PTPRD: variants seen among roughly 807,000 people sequenced by gnomAD.
PTPRD encodes the protein receptor-type tyrosine-protein phosphatase delta.
In PTPRD, 34 loss-of-function variants were observed where a neutral mutation model predicts 214.5. The ratio of observed to expected loss-of-function variants is 0.16; its 90% CI spans 0.12 to 0.21. The LOEUF (loss-of-function observed/expected upper bound fraction) is 0.21. Among genes scored for constraint, PTPRD ranks in the 10% least tolerant of loss-of-function variants. The probability of loss-of-function intolerance (pLI) is 1.00; values close to 1 mark genes in which losing one functional copy is unlikely to be tolerated. For synonymous variants in PTPRD, 1,128 were observed against 845.7 expected, an observed-to-expected ratio of 1.33 and a Z score of -5.79; for missense variants, 2,545 against 2,398.7, an observed-to-expected ratio of 1.06 and a Z score of -1.27.
At chr9:10,316,480 T>A (rs188222399) in intron 3 of PTPRD, among the ~76,000 whole-genome samples, 35 of 151,854 alleles carry the variant, frequency 2.3e-4, no homozygotes, top group African/African-American at 8.0e-4. Flanking sequence ...ATAGATTAAA[T>A]AATATTGGAT....
chr9:10,042,045 T>C (rs1207645764), intron 3 of PTPRD, among the ~76,000 whole-genome samples: 1 of 152,028 alleles, frequency 6.6e-6, no homozygotes, highest in Non-Finnish European at 1.5e-5. Flanking sequence ...TGACAATGAA[T>C]AATGTTAAGA....
rs5896301 is a variant in PTPRD, at chr9:9,106,612, C to CAAAAAAAA, written c.-143+76684_-143+76691dup. 1.8e-4 allele frequency among the ~76,000 whole-genome samples: 13 copies of CAAAAAAAA among 71,624 alleles called. 2 individuals are homozygous for CAAAAAAAA. The highest frequency in any genetic ancestry group is 2.0e-4 in the Non-Finnish European group (8 of 40,160). 47.0% of individuals were successfully genotyped at this position (71,624 alleles called of 152,430 possible). ...TTGCTGTTAACCTATATTCCATAGG[C>CAAAAAAAA]AAAAAAAAAAAAAAAAAAAAAAAGG... is the stretch of plus-strand genomic sequence containing the variant. On this transcript the variant is annotated intron_variant, in intron 10 of 45. Coordinates refer to ENST00000381196, the MANE Select transcript of PTPRD (RefSeq NM_002839.4).
At chr9:10,309,608 G>A (rs1340766552) in intron 3 of PTPRD, among the ~76,000 whole-genome samples, 7 of 149,050 alleles carry the variant, frequency 4.7e-5, no homozygotes, top group African/African-American at 1.5e-4. Flanking sequence ...CAAATGATCT[G>A]CCCACCTCAG....
intron 9 of PTPRD, among the ~76,000 whole-genome samples, chr9:9,241,495 G>C (rs751367335): frequency 4.6e-5 from 7 of 152,012 alleles, no homozygotes; most frequent in Non-Finnish European, 1.0e-4. Flanking sequence ...GAGAAACTAA[G>C]GTAAACTTCA....
chr9:9,758,533 G>A (rs979276515), intron 6 of PTPRD, among the ~76,000 whole-genome samples: 1 of 152,110 alleles, frequency 6.6e-6, no homozygotes, highest in Non-Finnish European at 1.5e-5. Context: ...GTGAGTTCCA[G>A]GTTCTCAGAA....
intron 9 of PTPRD, among the ~76,000 whole-genome samples, chr9:9,361,282 A>T (rs1385618825): frequency 1.3e-5 from 2 of 151,128 alleles, no homozygotes; most frequent in Non-Finnish European, 1.5e-5. Context: ...GATCATTACC[A>T]CCGGGGATAT....
At chr9:10,552,825 G>C (rs1183251876) in intron 2 of PTPRD, among the ~76,000 whole-genome samples, 1 of 152,144 alleles carries the variant, frequency 6.6e-6, no homozygotes, top group Non-Finnish European at 1.5e-5. Context: ...AACAGCACAG[G>C]TTGAGGCATT....
chr9:9,568,276 C>T (rs1171301000), intron 8 of PTPRD, among the ~76,000 whole-genome samples: 1 of 151,804 alleles, frequency 6.6e-6, no homozygotes, highest in East Asian at 1.9e-4. Flanking sequence ...AGTGCACATC[C>T]TTCTTGTTTT....
intron 39 of PTPRD, among the ~76,000 whole-genome samples, chr9:8,350,200 A>G (rs915377837): frequency 2.0e-5 from 3 of 152,174 alleles, no homozygotes; most frequent in Non-Finnish European, 4.4e-5. Flanking sequence ...GGACTGTTTT[A>G]TGCTAAAGTC....
intron 4 of PTPRD, among the ~76,000 whole-genome samples, chr9:9,968,776 C>T (rs1257868834): frequency 6.6e-6 from 1 of 152,042 alleles, no homozygotes; most frequent in Non-Finnish European, 1.5e-5. Context: ...AGCACAACGC[C>T]GTTAATCTCA....
At chr9:8,381,918 T>A (rs2135276562) in intron 37 of PTPRD, among the ~76,000 whole-genome samples, 1 of 152,206 alleles carries the variant, frequency 6.6e-6, no homozygotes, top group East Asian at 1.9e-4. Flanking sequence ...GTGAGGTGCC[T>A]CTTTCTCGTG....
chr9:8,570,016 T>C (rs1289001540), intron 14 of PTPRD, among the ~76,000 whole-genome samples: 1 of 152,216 alleles, frequency 6.6e-6, no homozygotes, highest in East Asian at 1.9e-4. Context: ...GTAGTGGAAG[T>C]ACAATCACCA....
At chr9:10,464,969 G>A (rs1197758216) in intron 2 of PTPRD, among the ~76,000 whole-genome samples, 1 of 152,100 alleles carries the variant, frequency 6.6e-6, no homozygotes, top group Non-Finnish European at 1.5e-5. Context: ...TTCAAATTCA[G>A]TAACAAACAA....
intron 11 of PTPRD, among the ~76,000 whole-genome samples, chr9:8,899,808 G>A (rs2098651820): frequency 6.6e-6 from 1 of 152,176 alleles, no homozygotes; most frequent in Admixed American, 6.6e-5. Context: ...TTGGCAGTCG[G>A]CATGTTGCCT....
intron 2 of PTPRD, among the ~76,000 whole-genome samples, chr9:10,499,477 T>C (rs2043032812): frequency 6.6e-6 from 1 of 151,952 alleles, no homozygotes; most frequent in Admixed American, 6.6e-5. Context: ...GTTCATGTTT[T>C]CCTGAAAAAT....
At position 10,298,129 on chromosome 9, in the gene PTPRD, A is replaced by T. The variant is rs187819129; in HGVS notation, c.-545+42834T>A. On this transcript the variant is annotated intron_variant, in intron 3 of 45. Transcript: ENST00000381196. ...GAGAAAAACATAAAATAATAAAAAC[A>T]TATATCATGAATTTTCTTTTTCATC... is the stretch of plus-strand genomic sequence containing the variant. 6.6e-5 allele frequency among the ~76,000 whole-genome samples: 10 copies of T among 152,260 alleles called. No individual in the cohort carries two copies. The East Asian group carries it at 1.9e-3, about 29-fold the overall frequency.
intron 10 of PTPRD, among the ~76,000 whole-genome samples, chr9:9,154,784 G>C (rs2099879808): frequency 6.6e-6 from 1 of 152,048 alleles, no homozygotes; most frequent in Non-Finnish European, 1.5e-5. Context: ...CAATGAAAAT[G>C]ACAAAAACCA....
chr9:10,444,193 C>T (rs534395709), intron 2 of PTPRD, among the ~76,000 whole-genome samples: 2 of 151,788 alleles, frequency 1.3e-5, no homozygotes, highest in Non-Finnish European at 3.0e-5. Context: ...CTATTCTATC[C>T]CCTTACTTTG....
intron 5 of PTPRD, among the ~76,000 whole-genome samples, chr9:9,819,823 A>T (rs758431996): frequency 6.6e-6 from 1 of 151,488 alleles, no homozygotes; most frequent in Admixed American, 6.6e-5. Flanking sequence ...AAAGGACACA[A>T]TTTTTTTTTC....
Sources: allele counts gnomAD v4.1 joint callset (sites outside exome capture counted in the v4.1 genomes callset), GRCh38; gene constraint gnomAD v4.1.1; transcripts MANE v1.5; gene names NCBI Gene and HGNC (gene_info 2026-07-23, HGNC 2026-07-21).